The following PDE4D variants were observed in gnomAD, a reference collection of about 807,000 sequenced individuals.
PDE4D encodes phosphodiesterase 4D, also known as 3',5'-cyclic-AMP phosphodiesterase 4D.
Under a neutral mutation model 87.4 loss-of-function variants are expected in PDE4D, and 24 were observed. That is an observed-to-expected ratio of 0.27 (90% CI 0.20 to 0.39). PDE4D has a LOEUF of 0.39. PDE4D is among the 10% of genes least tolerant of loss of function. The pLI, the probability that PDE4D is intolerant of heterozygous loss-of-function variation, is 1.00. For missense variants in PDE4D, 714 were observed against 1,041.0 expected (o/e 0.69, Z 4.32); for synonymous variants, 384 against 383.2 (o/e 1.00, Z -0.02).
At chr5:59,021,879 C>G (rs1755221958) in intron 6 of PDE4D, among the ~76,000 whole-genome samples, 1 of 152,160 alleles carries the variant, frequency 6.6e-6, no homozygotes, top group African/African-American at 2.4e-5. Context: ...TTTTGACAGT[C>G]TCTTTTCACC....
At chr5:60,201,202 A>C (rs1392504869) in intron 1 of PDE4D, among the ~76,000 whole-genome samples, 1 of 148,698 alleles carries the variant, frequency 6.7e-6, no homozygotes, top group Non-Finnish European at 1.5e-5. Context: ...TCCCAAAAAG[A>C]AAGCAAAAAA....
In PDE4D at chr5:59,928,470, C is replaced by T. The variant is rs570755048; in HGVS notation, c.272+60018G>A. On this transcript the variant is annotated intron_variant, in intron 3 of 16. Coordinates refer to the PDE4D transcript ENST00000502484. ...GTGCGCGCCTATAATCCCAGCTAGT[C>T]GGGGGGCTGAGACAGGAGAATCACT... Among the ~76,000 whole-genome samples, 11 of 151,934 alleles carry T rather than the reference C, an allele frequency of 7.2e-5. No individual in the cohort carries two copies. The South Asian group carries it at 8.3e-4, about 12-fold the overall frequency.
chr5:59,029,550 T>C (rs1483590304), intron 6 of PDE4D, among the ~76,000 whole-genome samples: 2 of 152,006 alleles, frequency 1.3e-5, no homozygotes, highest in African/African-American at 4.8e-5. Flanking sequence ...CCCATGTTCA[T>C]GCACTGAAAG....
chr5:59,991,531 C>T (rs1305549003), intron 2 of PDE4D, among the ~76,000 whole-genome samples: 3 of 152,042 alleles, frequency 2.0e-5, no homozygotes, highest in Non-Finnish European at 2.9e-5. Context: ...ATAACCTGTT[C>T]CAGATCTGCT....
At position 59,400,116 on chromosome 5, in the gene PDE4D, C is replaced by T. The variant is rs1342129172; in HGVS notation, c.456-184148G>A. ...TGGAGAGGATGTGGAGAAATAGGAACACTTTTACACTGTTGGTGGGACTGT... is the reference window on the plus strand; with the variant it reads ...TGGAGAGGATGTGGAGAAATAGGAATACTTTTACACTGTTGGTGGGACTGT... On this transcript the variant is annotated intron_variant, in intron 1 of 14. Coordinates refer to ENST00000340635, the MANE Select transcript of PDE4D (RefSeq NM_001104631.2). Among the ~76,000 whole-genome samples, 3 of 108,944 alleles carry T rather than the reference C, an allele frequency of 2.8e-5. 1 individual carries two copies. Among genetic ancestry groups the T allele is most frequent in the Non-Finnish European group, 5.6e-5 (3 of 53,120 alleles). 71.5% of individuals were successfully genotyped at this position (108,944 alleles called of 152,430 possible).
At chr5:60,147,471 G>A (rs929113538) in intron 2 of PDE4D, among the ~76,000 whole-genome samples, 1 of 152,116 alleles carries the variant, frequency 6.6e-6, no homozygotes, top group Non-Finnish European at 1.5e-5. Context: ...TAACAGGGAA[G>A]GTCAGCATTA....
chr5:60,177,515 G>A (rs141046654), intron 2 of PDE4D, among the ~76,000 whole-genome samples: 114 of 152,220 alleles, frequency 7.5e-4, no homozygotes, highest in African/African-American at 2.6e-3. Context: ...ATGAATGTCC[G>A]ACAAACAGAG....
chr5:59,985,056 T>C, intron 3 of PDE4D, among the ~76,000 whole-genome samples: 1 of 151,754 alleles, frequency 6.6e-6, no homozygotes, highest in East Asian at 1.9e-4. Context: ...TTCTGACAGC[T>C]GTAAAGGAAT....
chr5:59,213,550 T>C (rs1375417288), intron 2 of PDE4D, among the ~76,000 whole-genome samples: 1 of 152,094 alleles, frequency 6.6e-6, no homozygotes, highest in African/African-American at 2.4e-5. Context: ...TTCCCTCAGC[T>C]CAAGTAACCT....
chr5:59,372,190 C>A (rs890300139), intron 1 of PDE4D, among the ~76,000 whole-genome samples: 1 of 152,154 alleles, frequency 6.6e-6, no homozygotes, highest in Non-Finnish European at 1.5e-5. Flanking sequence ...ACCCAATGGA[C>A]AACAGAAGAA....
At position 58,973,296 on chromosome 5, in the gene PDE4D, T is replaced by G. The variant is rs1192078890; in HGVS notation, c.*1368A>C. 6.6e-6 allele frequency: 1 copy of G among 152,206 alleles called. No homozygotes were observed. Among genetic ancestry groups the G allele is most frequent in the East Asian group, 1.9e-4 (1 of 5,202 alleles). 9.4% of individuals were successfully genotyped at this position (152,206 alleles called of 1,614,324 possible). A position where few individuals can be genotyped will look rare whatever the true frequency, so the allele number is the denominator to read the frequency against. On this transcript the variant is annotated 3_prime_UTR_variant, in exon 15 of 15. Coordinates refer to ENST00000340635, the MANE Select transcript of PDE4D (RefSeq NM_001104631.2). ...AACCCTAACTTAACTACCTGTTTCT[T>G]TTCACCGGTGACAATGGTAGTGATA...
intron 1 of PDE4D, among the ~76,000 whole-genome samples, chr5:59,625,397 A>G (rs1472349465): frequency 6.6e-6 from 1 of 152,120 alleles, no homozygotes; most frequent in African/African-American, 2.4e-5. Context: ...TTGATTCCAG[A>G]TAAGATCACA....
intron 2 of PDE4D, among the ~76,000 whole-genome samples, chr5:60,095,385 CT>C (rs947112860): frequency 3.9e-5 from 6 of 152,084 alleles, no homozygotes; most frequent in South Asian, 2.1e-4. Flanking sequence ...AGAGCTCATC[CT>C]TTTTTATGGA....
chr5:60,369,403 C>T (rs1314543634), intron 1 of PDE4D, among the ~76,000 whole-genome samples: 7 of 152,116 alleles, frequency 4.6e-5, no homozygotes, highest in Non-Finnish European at 1.0e-4. Context: ...TTTATTTCCC[C>T]ATGGGTTCAG....
intron 1 of PDE4D, among the ~76,000 whole-genome samples, chr5:59,519,641 A>C (rs867032164): frequency 2.0e-5 from 3 of 152,194 alleles, no homozygotes; most frequent in Non-Finnish European, 4.4e-5. Context: ...AGTTTAACAG[A>C]CATAGCAAGA....
chr5:59,473,105 A>C (rs1802727234), intron 1 of PDE4D, among the ~76,000 whole-genome samples: 1 of 144,044 alleles, frequency 6.9e-6, no homozygotes, highest in South Asian at 2.1e-4. Flanking sequence ...AAAAAAAAAG[A>C]GAAAATATGG....
chr5:59,308,686 G>A (rs998810945), intron 1 of PDE4D, among the ~76,000 whole-genome samples: 2 of 151,942 alleles, frequency 1.3e-5, no homozygotes, highest in African/African-American at 4.8e-5. Context: ...AATGGGCTCT[G>A]TGGGGGTTCT....
chr5:59,024,427 G>A (rs796669134), intron 6 of PDE4D, among the ~76,000 whole-genome samples: 3 of 151,356 alleles, frequency 2.0e-5, no homozygotes, highest in African/African-American at 7.3e-5. Context: ...TCTAACTCCT[G>A]ACCGCGTGAT....
intron 1 of PDE4D, among the ~76,000 whole-genome samples, chr5:60,469,739 A>G (rs1747673058): frequency 1.3e-5 from 2 of 152,172 alleles, no homozygotes; most frequent in Admixed American, 1.3e-4. Flanking sequence ...TTGTTTTGGT[A>G]TGCCACAAAC....
Sources: allele counts gnomAD v4.1 joint callset (sites outside exome capture counted in the v4.1 genomes callset), GRCh38; gene constraint gnomAD v4.1.1; transcripts MANE v1.5; gene names NCBI Gene and HGNC (gene_info 2026-07-23, HGNC 2026-07-21).